CD109: variants seen among roughly 807,000 people sequenced by gnomAD.
CD109 encodes CD109 molecule, also known as CD109 antigen.
In CD109, 149 loss-of-function variants were observed where a neutral mutation model predicts 165.8. The ratio of observed to expected loss-of-function variants is 0.90; its 90% confidence interval spans 0.79 to 1.03. The LOEUF (loss-of-function observed/expected upper bound fraction) is 1.03. Among genes scored for constraint, CD109 ranks in the 50% least tolerant of loss-of-function variants. The pLI is 0.00. For synonymous variants in CD109, 585 were observed against 592.1 expected, an observed-to-expected ratio of 0.99 and a Z score of 0.18; for missense variants, 1,712 against 1,677.8, an observed-to-expected ratio of 1.02 and a Z score of -0.36.
Position 73,758,971 on chromosome 6 carries a change from A to T in CD109, c.701A>T (p.Gln234Leu). The change falls in exon 7 of 33, where the codon CAG becomes CTG. Residue 234 changes from glutamine to leucine, a missense_variant. Transcript: ENST00000287097. ...TTACCAAAATTTGAAGTGACTTTGC[A>T]GACACCATTATATTGTTCTATGAAT... Reference protein sequence around the residue: ...YVLPKFEVTLQTPLYCSMNSK... With the variant: ...YVLPKFEVTLLTPLYCSMNSK... 6.2e-7 allele frequency: 1 copy of T among 1,605,714 alleles called. No homozygotes were observed. The highest frequency in any genetic ancestry group is 1.1e-5 in the South Asian group (1 of 90,464).
At chr6:73,711,111 A>C (rs557291426) in intron 2 of CD109, among the ~76,000 whole-genome samples, 2 of 152,204 alleles carry the variant, frequency 1.3e-5, no homozygotes, top group African/African-American at 4.8e-5. Flanking sequence ...TGACCCTGCC[A>C]TTAAAAATGC....
At chr6:73,705,094 T>C (rs982504258) in intron 2 of CD109, among the ~76,000 whole-genome samples, 2 of 152,204 alleles carry the variant, frequency 1.3e-5, no homozygotes, top group South Asian at 4.2e-4. Context: ...GAAAAGGAGA[T>C]AGGGGTTTGT....
intron 2 of CD109, among the ~76,000 whole-genome samples, chr6:73,721,125 T>C (rs533006050): frequency 1.3e-5 from 2 of 152,372 alleles, no homozygotes; most frequent in African/African-American, 4.8e-5. Flanking sequence ...TGAAACACCA[T>C]GTTCAATATC....
chr6:73,753,136 C>T (rs540950284), intron 5 of CD109, among the ~76,000 whole-genome samples: 5 of 152,206 alleles, frequency 3.3e-5, no homozygotes, highest in Middle Eastern at 3.4e-3. Context: ...TAGTCGTGCT[C>T]GTTTGTTTAC....
At chr6:73,768,322 C>A in intron 14 of CD109, 91 bp downstream of exon 14, 1 of 759,474 alleles carries the variant, frequency 1.3e-6, no homozygotes, top group South Asian at 1.9e-5. Flanking sequence ...ATCATTAAGC[C>A]AAACTGGTTA....
intron 1 of CD109, 23 bp from the exon 2 acceptor site, chr6:73,697,377 T>A: frequency 6.2e-7 from 1 of 1,604,540 alleles, no homozygotes; most frequent in Non-Finnish European, 8.5e-7. Flanking sequence ...AACTTTGTTT[T>A]TCCCTTGTTG....
chr6:73,818,939 C>G (rs1421861363), intron 31 of CD109, among the ~76,000 whole-genome samples: 2 of 152,188 alleles, frequency 1.3e-5, no homozygotes, highest in Non-Finnish European at 2.9e-5. Flanking sequence ...TCAAGTGATC[C>G]TCCCACTGCA....
chr6:73,696,307 C>T lies in CD109; in HGVS notation c.74+18C>T. The stretch of plus-strand genomic sequence containing the variant: ...GCTCCCGGGTAGGAACGTGGGCGCG[C>T]GGGGGGCGCGCGGGCGCGCGGGCCT... On this transcript the variant is annotated intron_variant, in intron 1 of 32. Transcript: ENST00000287097. 7.1e-7 allele frequency: 1 copy of T among 1,413,216 alleles called. No homozygotes were observed. The allele number at this position is 1,413,216 out of a possible 1,614,324, so 87.5% of individuals were successfully genotyped here. A position where few individuals can be genotyped will look rare whatever the true frequency, so the allele number is the denominator to read the frequency against.
chr6:73,688,761 GTTTTTTTTTTTTTT>G, the CD109 span, among the ~76,000 whole-genome samples: 1 of 73,528 alleles, frequency 1.4e-5, no homozygotes, highest in Admixed American at 1.8e-4. Flanking sequence ...GTTTTTCTTT[GTTTTTTTTTTTTTT>G]TTTTTTTTTT....
rs1562071152 is a variant in CD109 at position 73,791,198 on chromosome 6, T to TATATATATACACATAC, written c.2702-1419_2702-1418insCACATACATATATATA. Among the ~76,000 whole-genome samples, 76 of 103,760 alleles carry TATATATATACACATAC rather than the reference T, an allele frequency of 7.3e-4. 3 individuals carry two copies. Among genetic ancestry groups the TATATATATACACATAC allele is most frequent in the Middle Eastern group, 4.3e-3 (1 of 232 alleles). 68.1% of individuals were successfully genotyped at this position (103,760 alleles called of 152,430 possible). On this transcript the variant is annotated intron_variant, in intron 22 of 32. Coordinates refer to ENST00000287097, the MANE Select transcript of CD109 (RefSeq NM_133493.5). ...ATATACACACACACACATACATATA[T>TATATATATACACATAC]ATATATATATATATATATATATAAT... is the stretch of plus-strand genomic sequence containing the variant.
chr6:73,762,700 T>G, intron 8 of CD109, 41 bp from the exon 9 acceptor site: 1 of 1,508,056 alleles, frequency 6.6e-7, no homozygotes, highest in Non-Finnish European at 9.0e-7. Flanking sequence ...AAATTTGAAT[T>G]GCTAAAATGG....
chr6:73,765,872 T>C, intron 10 of CD109, 58 bp from the exon 11 acceptor site: 2 of 1,210,766 alleles, frequency 1.7e-6, no homozygotes, highest in Middle Eastern at 2.0e-4. Context: ...AGACGGAAAC[T>C]GTATTTAATC....
At chr6:73,729,335 A>AGTGTGTGTGTGTGT (rs142514181) in intron 3 of CD109, among the ~76,000 whole-genome samples, 1 of 148,282 alleles carries the variant, frequency 6.7e-6, no homozygotes, top group South Asian at 2.1e-4. Flanking sequence ...ACCACATCAA[A>AGTGTGTGTGTGTGT]GTGTGTGTGT....
Position 73,808,176 on chromosome 6 carries a change from G to T in CD109, c.3283G>T (p.Ala1095Ser). 2 of 1,613,572 alleles carry T rather than the reference G, an allele frequency of 1.2e-6. No homozygotes were observed. Among genetic ancestry groups the T allele is most frequent in the Non-Finnish European group, 1.7e-6 (2 of 1,179,644 alleles). Residue 1095 changes from alanine (A) to serine (S), a missense_variant, in exon 26 of 33, where the codon GCA becomes TCA. Ala to Ser is a moderately conservative substitution (Grantham distance 99). Transcript: ENST00000287097. ...TTATACTCTAGCCCTTATAACTTATGCATTGTCATCAGTGGGGAGTCCTAA... is the reference window on the plus strand; with the variant it reads ...TTATACTCTAGCCCTTATAACTTATTCATTGTCATCAGTGGGGAGTCCTAA... ...DNYTLALITY[A>S]LSSVGSPKAK...
At chr6:73,800,340 TCAGTCTC>T (rs767482320) in intron 23 of CD109, among the ~76,000 whole-genome samples, 8 of 152,202 alleles carry the variant, frequency 5.3e-5, no homozygotes, top group Non-Finnish European at 1.0e-4. Context: ...GTTTATTCAA[TCAGTCTC>T]CAGTTTTGGG....
At position 73,787,329 on chromosome 6, in the gene CD109, C is replaced by T. The variant is rs1774735218; in HGVS notation, c.2433C>T (p.Pro811=). The T allele has an allele frequency of 6.2e-7, 1 of 1,613,896 alleles. No individual in the cohort carries two copies. The highest frequency in any genetic ancestry group is 8.5e-7 in the Non-Finnish European group (1 of 1,179,928). Reference sequence around the variant, plus strand: ...GCCACCAGCAGACCCTTCTGGTTCCCAGTGAGGATGGGGCAACTGTTCTTT... The same window carrying T: ...GCCACCAGCAGACCCTTCTGGTTCCTAGTGAGGATGGGGCAACTGTTCTTT... ...ATGHQQTLLV[P]SEDGATVLFP... is the part of the protein sequence containing the mutation. The change falls in exon 21 of 33, where the codon CCC becomes CCT. Residue 811 remains proline (P), a synonymous_variant. Coordinates refer to ENST00000287097, the MANE Select transcript of CD109 (RefSeq NM_133493.5).
chr6:73,759,003 C>T lies in CD109; in HGVS notation c.733C>T (p.His245Tyr). The T allele has an allele frequency of 6.2e-7, 1 of 1,604,602 alleles. No individual in the cohort carries two copies. Among genetic ancestry groups the T allele is most frequent in the Non-Finnish European group, 8.5e-7 (1 of 1,172,010 alleles). ...ATTATATTGTTCTATGAATTCTAAG[C>T]ATTTAAATGGTACCATCACGGCAAA... Reference protein sequence around the residue: ...TPLYCSMNSKHLNGTITAKYT... With the variant: ...TPLYCSMNSKYLNGTITAKYT... The change falls in exon 7 of 33, where the codon CAT becomes TAT. Residue 245 changes from histidine to tyrosine, a missense_variant. By Grantham distance (83) the His-to-Tyr change is moderately conservative. Coordinates refer to ENST00000287097, the MANE Select transcript of CD109 (RefSeq NM_133493.5).
At chr6:73,797,358 A>C (rs1174480181) in intron 23 of CD109, among the ~76,000 whole-genome samples, 2 of 152,238 alleles carry the variant, frequency 1.3e-5, no homozygotes, top group Non-Finnish European at 2.9e-5. Context: ...CTGCAGTTCA[A>C]CTTTTTAAAG....
At chr6:73,773,128 TACACAC>T (rs886894394) in intron 15 of CD109, among the ~76,000 whole-genome samples, 1 of 149,272 alleles carries the variant, frequency 6.7e-6, no homozygotes, top group Non-Finnish European at 1.5e-5. Context: ...TACATACACA[TACACAC>T]ACACCCCATC....
Sources: gnomAD v4.1 joint callset for allele counts (sites outside exome capture counted in the v4.1 genomes callset) on GRCh38, gnomAD v4.1.1 for gene constraint, MANE v1.5 for transcripts, NCBI Gene and HGNC (gene_info 2026-07-23, HGNC 2026-07-21) for gene names.